Variants in SLC10A7 observed in about 807,000 individuals in gnomAD.
SLC10A7 encodes sodium/bile acid cotransporter 7.
SLC10A7 carries 29 observed loss-of-function variants against 43.2 expected under a neutral mutation model. That is an observed-to-expected ratio of 0.67 (90% confidence interval 0.50 to 0.92). SLC10A7 has a LOEUF of 0.92. Among genes scored for constraint, SLC10A7 ranks in the 40% least tolerant of loss-of-function variants. The pLI is 0.00. For synonymous variants in SLC10A7, 152 were observed against 144.8 expected (o/e 1.05, Z -0.35); for missense variants, 295 against 403.2 (o/e 0.73, Z 2.30).
chr4:146,306,114 T>A, intron 6 of SLC10A7, 105 bp from the exon 7 acceptor site: 1 of 811,798 alleles, frequency 1.2e-6, no homozygotes, highest in South Asian at 3.4e-5. Context: ...CACCAAAAAT[T>A]TGGTAGCTAT....
At chr4:146,449,961 A>T (rs533659263) in intron 4 of SLC10A7, among the ~76,000 whole-genome samples, 1 of 152,190 alleles carries the variant, frequency 6.6e-6, no homozygotes, top group East Asian at 1.9e-4. Flanking sequence ...ATTGACAGAG[A>T]TGTCATCAAA....
At chr4:146,296,494 T>C (rs1730793479) in intron 7 of SLC10A7, among the ~76,000 whole-genome samples, 1 of 152,154 alleles carries the variant, frequency 6.6e-6, no homozygotes, top group South Asian at 2.1e-4. Flanking sequence ...CCACAATCCT[T>C]CTAGCCAAAA....
intron 9 of SLC10A7, among the ~76,000 whole-genome samples, chr4:146,289,713 T>TG (rs1387390280): frequency 1.5e-5 from 2 of 133,430 alleles, no homozygotes; most frequent in Non-Finnish European, 3.2e-5. Flanking sequence ...TTAGTTTTTT[T>TG]TTTTTTTTTT....
chr4:146,307,758 C>T (rs2149684156), intron 6 of SLC10A7, among the ~76,000 whole-genome samples: 1 of 152,210 alleles, frequency 6.6e-6, no homozygotes, highest in South Asian at 2.1e-4. Flanking sequence ...GTGACATTTC[C>T]TGCCTGAAAT....
At chr4:146,483,263 G>A (rs915569827) in intron 4 of SLC10A7, among the ~76,000 whole-genome samples, 21 of 152,050 alleles carry the variant, frequency 1.4e-4, no homozygotes, top group Admixed American at 8.5e-4. Context: ...TCAAAACAGT[G>A]AAAATTAAAG....
intron 5 of SLC10A7, among the ~76,000 whole-genome samples, chr4:146,437,136 A>T (rs1730277222): frequency 6.6e-6 from 1 of 152,060 alleles, no homozygotes; most frequent in Non-Finnish European, 1.5e-5. Context: ...GACTCTGAGT[A>T]TATGTGTGTT....
rs920668664 is a variant in SLC10A7 at position 146,254,882 on chromosome 4, G to A, written c.*1609C>T. 6.6e-6 allele frequency: 1 copy of A among 152,174 alleles called. No individual in the cohort carries two copies. The highest frequency in any genetic ancestry group is 1.5e-5 in the Non-Finnish European group (1 of 68,034). 9.4% of individuals were successfully genotyped at this position (152,174 alleles called of 1,614,324 possible). ...AACAGTGTGTACTACAGCCTGGTTA[G>A]CATAGATTTTTGCAGGATCTGGCAT... On this transcript the variant is annotated 3_prime_UTR_variant, in exon 12 of 12. Transcript: ENST00000335472.
chr4:146,365,448 T>C (rs1446783578), intron 5 of SLC10A7, among the ~76,000 whole-genome samples: 1 of 152,242 alleles, frequency 6.6e-6, no homozygotes, highest in Admixed American at 6.5e-5. Flanking sequence ...ATGACTGCAC[T>C]GTACATTAAA....
At chr4:146,483,614 C>G (rs1022604512) in intron 4 of SLC10A7, among the ~76,000 whole-genome samples, 1 of 151,910 alleles carries the variant, frequency 6.6e-6, no homozygotes, top group African/African-American at 2.4e-5. Context: ...TAAGTCCTTA[C>G]CTATCTCTAA....
rs372668676 is a variant in SLC10A7 at position 146,299,996 on chromosome 4, T to C, written c.556-5901A>G. ...CATTGCACGCATGGAGTAGGCAGAGTTGGCTTTAACCAGGGTTGGGGCTTT... is the reference window on the plus strand; with the variant it reads ...CATTGCACGCATGGAGTAGGCAGAGCTGGCTTTAACCAGGGTTGGGGCTTT... On this transcript the variant is annotated intron_variant, in intron 7 of 11. Transcript: ENST00000335472. 6.6e-5 allele frequency among the ~76,000 whole-genome samples: 10 copies of C among 151,958 alleles called. No individual in the cohort carries two copies. The East Asian group carries it at 1.4e-3, about 21-fold the overall frequency.
chr4:146,307,441 T>C lies in SLC10A7; in HGVS notation c.472-1432A>G, dbSNP rs564521882. ...CATGGCTGTTAGATGTTTCTTTTTATGCAAAACCAAAATATTAAAAGCTAA... is the reference window on the plus strand; with the variant it reads ...CATGGCTGTTAGATGTTTCTTTTTACGCAAAACCAAAATATTAAAAGCTAA... On this transcript the variant is annotated intron_variant, in intron 6 of 11. Transcript: ENST00000335472. Among the ~76,000 whole-genome samples the C allele has an allele frequency of 2.6e-5, 4 of 152,296 alleles. No homozygotes were observed. In the South Asian group the frequency reaches 8.3e-4, roughly 32 times the overall value.
At chr4:146,481,114 T>G (rs1734435230) in intron 4 of SLC10A7, among the ~76,000 whole-genome samples, 1 of 152,088 alleles carries the variant, frequency 6.6e-6, no homozygotes, top group Non-Finnish European at 1.5e-5. Flanking sequence ...CCATACCTGA[T>G]GTGGCACCCC....
chr4:146,489,178 T>C (rs1327738343), intron 4 of SLC10A7, among the ~76,000 whole-genome samples: 2 of 152,186 alleles, frequency 1.3e-5, no homozygotes, highest in Non-Finnish European at 2.9e-5. Flanking sequence ...CATCCATAAC[T>C]TCTTAGGACT....
intron 5 of SLC10A7, among the ~76,000 whole-genome samples, chr4:146,361,089 C>T (rs1417619645): frequency 6.6e-6 from 1 of 152,084 alleles, no homozygotes; most frequent in East Asian, 1.9e-4. Flanking sequence ...AACATATACT[C>T]CCATAGTTCC....
chr4:146,423,302 C>T (rs999362404), intron 5 of SLC10A7, among the ~76,000 whole-genome samples: 1 of 152,062 alleles, frequency 6.6e-6, no homozygotes, highest in African/African-American at 2.4e-5. Flanking sequence ...AAGTCATTTT[C>T]TCTGTATTGC....
chr4:146,400,712 A>C (rs1739170116), intron 5 of SLC10A7, among the ~76,000 whole-genome samples: 1 of 152,118 alleles, frequency 6.6e-6, no homozygotes, highest in Non-Finnish European at 1.5e-5. Context: ...GGAACCAAAA[A>C]AGTAGGCTAA....
chr4:146,446,736 A>G (rs1375412161), intron 4 of SLC10A7, among the ~76,000 whole-genome samples: 1 of 147,124 alleles, frequency 6.8e-6, no homozygotes, highest in Non-Finnish European at 1.5e-5. Context: ...AAGGGTGAGA[A>G]GGTTTATCTA....
chr4:146,276,970 A>C (rs1729247596), intron 10 of SLC10A7, among the ~76,000 whole-genome samples: 1 of 151,988 alleles, frequency 6.6e-6, no homozygotes, highest in African/African-American at 2.4e-5. Context: ...AAATCCACTG[A>C]AAAAGGGACA....
At chr4:146,357,768 AAG>A (rs1735757770) in intron 5 of SLC10A7, among the ~76,000 whole-genome samples, 2 of 152,156 alleles carry the variant, frequency 1.3e-5, no homozygotes, top group Admixed American at 1.3e-4. Context: ...GGAAAAAGGA[AAG>A]AGTACCCGGA....
Sources: allele counts gnomAD v4.1 joint callset (sites outside exome capture counted in the v4.1 genomes callset), GRCh38; gene constraint gnomAD v4.1.1; transcripts MANE v1.5; gene names NCBI Gene and HGNC (gene_info 2026-07-23, HGNC 2026-07-21).